MCTP1: variants seen among roughly 807,000 people sequenced by gnomAD.
MCTP1 encodes multiple C2 and transmembrane domain containing 1.
In MCTP1, 69 loss-of-function variants were observed where a neutral mutation model predicts 120.6. That is an observed-to-expected ratio of 0.57 (90% confidence interval 0.47 to 0.70). The LOEUF is 0.70. Among genes scored for constraint, MCTP1 ranks in the 30% least tolerant of loss-of-function variants. The pLI, the probability that MCTP1 is intolerant of heterozygous loss-of-function variation, is 0.00. For missense variants in MCTP1, 1,203 were observed against 1,248.8 expected (o/e 0.96, Z 0.55); for synonymous variants, 529 against 493.1 (o/e 1.07, Z -0.96).
At chr5:94,761,098 A>T (rs531205859) in intron 19 of MCTP1, among the ~76,000 whole-genome samples, 16 of 152,238 alleles carry the variant, frequency 1.1e-4, no homozygotes, top group Non-Finnish European at 2.1e-4. Flanking sequence ...TTGCATTTTC[A>T]AAATGCAGAA....
At position 95,017,033 on chromosome 5, in the gene MCTP1, A is replaced by G. The variant is rs562770873; in HGVS notation, c.838+334T>C. 2.3e-3 allele frequency among the ~76,000 whole-genome samples: 348 copies of G among 152,250 alleles called. 4 individuals are homozygous for G. The highest frequency in any genetic ancestry group is 8.0e-3 in the African/African-American group (333 of 41,568). On this transcript the variant is annotated intron_variant, in intron 2 of 22. Coordinates refer to ENST00000515393, the MANE Select transcript of MCTP1 (RefSeq NM_024717.7). ...TAGCAAAAAGAATTTCAGGTCTACC[A>G]AAAGGTAAGTTCTGACATGGCTTCA...
intron 1 of MCTP1, among the ~76,000 whole-genome samples, chr5:95,055,252 C>T (rs1470748146): frequency 2.0e-5 from 3 of 152,014 alleles, no homozygotes; most frequent in Non-Finnish European, 4.4e-5. Context: ...CTGGATCCTC[C>T]CTTTTTGTAG....
intron 19 of MCTP1, among the ~76,000 whole-genome samples, chr5:94,728,508 A>T (rs1218960274): frequency 1.3e-5 from 2 of 152,220 alleles, no homozygotes; most frequent in Non-Finnish European, 2.9e-5. Flanking sequence ...GTCCTAATCA[A>T]GCCGAGGGAT....
chr5:94,759,972 G>GT (rs369341021), intron 19 of MCTP1, among the ~76,000 whole-genome samples: 54,347 of 115,318 alleles, frequency 0.47, 13,142 homozygotes, highest in South Asian at 0.6. Context: ...ACTGTTGAGG[G>GT]TTTTTTTTTT....
At chr5:95,047,183 A>T (rs1330502833) in intron 1 of MCTP1, among the ~76,000 whole-genome samples, 3 of 152,182 alleles carry the variant, frequency 2.0e-5, no homozygotes, top group African/African-American at 7.2e-5. Context: ...ATGTCCTTGA[A>T]GACCGTTTGC....
chr5:94,707,592 G>A (rs749033782), intron 22 of MCTP1, 25 bp from the exon 23 acceptor site: 43 of 1,587,944 alleles, frequency 2.7e-5, no homozygotes, highest in Non-Finnish European at 3.6e-5. Flanking sequence ...TTCAGAGGAA[G>A]ACTGGTCAGG....
chr5:94,902,734 A>G (rs1370797161), intron 10 of MCTP1, among the ~76,000 whole-genome samples: 1 of 152,082 alleles, frequency 6.6e-6, no homozygotes, highest in East Asian at 1.9e-4. Flanking sequence ...AGAAGTTTTT[A>G]CTCTATCTCT....
chr5:95,058,449 T>C (rs1322449501), intron 1 of MCTP1, among the ~76,000 whole-genome samples: 2 of 152,222 alleles, frequency 1.3e-5, no homozygotes, highest in African/African-American at 4.8e-5. Flanking sequence ...GTCCTGGGTC[T>C]GTACCACACA....
rs547804699 is a variant in MCTP1, at chr5:95,175,438, A to T, written c.720+108418T>A. On this transcript the variant is annotated intron_variant, in intron 1 of 22. Coordinates refer to ENST00000515393, the MANE Select transcript of MCTP1 (RefSeq NM_024717.7). ...CTGACTGGCACCTGTTTCAACAAAC[A>T]TTGGTACCCTTTCCCTCTATTCCTT... is the stretch of plus-strand genomic sequence containing the variant. 9.2e-4 allele frequency among the ~76,000 whole-genome samples: 140 copies of T among 152,330 alleles called. 1 individual carries two copies. Among genetic ancestry groups the T allele is most frequent in the Admixed American group, 3.3e-3 (51 of 15,302 alleles).
chr5:95,157,287 G>C (rs1322326110), intron 1 of MCTP1, among the ~76,000 whole-genome samples: 2 of 152,118 alleles, frequency 1.3e-5, no homozygotes, highest in African/African-American at 4.8e-5. Flanking sequence ...ACATGGAATA[G>C]CCAATCTTTG....
chr5:94,843,081 T>G (rs759670481), intron 17 of MCTP1, among the ~76,000 whole-genome samples: 2 of 151,778 alleles, frequency 1.3e-5, no homozygotes, highest in African/African-American at 2.4e-5. Flanking sequence ...AAAAATTCTA[T>G]GAAATATATT....
At chr5:95,060,750 T>A (rs1293910431) in intron 1 of MCTP1, among the ~76,000 whole-genome samples, 4 of 152,056 alleles carry the variant, frequency 2.6e-5, no homozygotes, top group Non-Finnish European at 5.9e-5. Flanking sequence ...GGTGGGTGGA[T>A]CACCTGAGGT....
At chr5:94,912,239 A>T (rs1808813965) in intron 9 of MCTP1, among the ~76,000 whole-genome samples, 1 of 151,862 alleles carries the variant, frequency 6.6e-6, no homozygotes, top group South Asian at 2.1e-4. Flanking sequence ...ATCCTGGCTA[A>T]CATGGTGAAA....
At chr5:95,044,652 T>C (rs1842870106) in intron 1 of MCTP1, among the ~76,000 whole-genome samples, 1 of 152,020 alleles carries the variant, frequency 6.6e-6, no homozygotes. Flanking sequence ...CCTCCCTCTG[T>C]CCTTTAACCC....
chr5:94,954,745 T>C (rs1384523648), intron 2 of MCTP1, among the ~76,000 whole-genome samples: 1 of 152,158 alleles, frequency 6.6e-6, no homozygotes, highest in Non-Finnish European at 1.5e-5. Context: ...CTAATGGGCT[T>C]AGGAAAAGAT....
chr5:95,182,729 T>TA (rs1748738009), intron 1 of MCTP1, among the ~76,000 whole-genome samples: 1 of 151,592 alleles, frequency 6.6e-6, no homozygotes, highest in Admixed American at 6.6e-5. Context: ...TTTAAAATTA[T>TA]AAAAAAAATG....
intron 1 of MCTP1, among the ~76,000 whole-genome samples, chr5:95,082,477 GA>G (rs1755051499): frequency 6.6e-6 from 1 of 151,824 alleles, no homozygotes; most frequent in Non-Finnish European, 1.5e-5. Context: ...CCTCATCAAG[GA>G]AAAAAAGCTG....
chr5:95,171,667 C>T (rs1747308960), intron 1 of MCTP1, among the ~76,000 whole-genome samples: 1 of 152,194 alleles, frequency 6.6e-6, no homozygotes, highest in African/African-American at 2.4e-5. Flanking sequence ...ATTTGATCTT[C>T]CATCGCTGGT....
In MCTP1 at chr5:94,788,663, G is replaced by C. The variant is rs547558804; in HGVS notation, c.2557-9500C>G. ...GAGTCAGGCCGAAGGTGCTTCTGTT[G>C]GCCCCTTTTTCTCCCTCCCTCCCTC... is the stretch of plus-strand genomic sequence containing the variant. On this transcript the variant is annotated intron_variant, in intron 18 of 22. Transcript: ENST00000515393. 1.0e-3 allele frequency: 159 copies of C among 152,244 alleles called. 1 individual carries two copies. Among genetic ancestry groups the C allele is most frequent in the African/African-American group, 3.8e-3 (157 of 41,518 alleles). The allele number at this position is 152,244 out of a possible 1,614,324, so 9.4% of individuals were successfully genotyped here. A position where few individuals can be genotyped will look rare whatever the true frequency, so the allele number is the denominator to read the frequency against.
Sources: allele counts gnomAD v4.1 joint callset (sites outside exome capture counted in the v4.1 genomes callset), GRCh38; gene constraint gnomAD v4.1.1; transcripts MANE v1.5; gene names NCBI Gene and HGNC (gene_info 2026-07-23, HGNC 2026-07-21).